Variants in CACNA1C observed in about 807,000 individuals in gnomAD.
CACNA1C encodes the protein calcium voltage-gated channel subunit alpha1 C.
Under a neutral mutation model 229.0 loss-of-function variants are expected in CACNA1C, and 30 were observed. That is an observed-to-expected ratio of 0.13 (90% confidence interval 0.10 to 0.18). The LOEUF (loss-of-function observed/expected upper bound fraction) is 0.18, where lower values mean the gene tolerates loss of function less well. CACNA1C is among the 10% of genes least tolerant of loss of function. The pLI is 1.00. For missense variants in CACNA1C, 1,658 were observed against 2,845.0 expected, an observed-to-expected ratio of 0.58 and a Z score of 9.49; for synonymous variants, 1,114 against 1,132.5, an observed-to-expected ratio of 0.98 and a Z score of 0.33.
chr12:2,654,205 C>T lies in CACNA1C; in HGVS notation c.4140+305C>T, dbSNP rs537549157. 3.3e-5 allele frequency among the ~76,000 whole-genome samples: 5 copies of T among 152,242 alleles called. No individual in the cohort carries two copies. Among genetic ancestry groups the T allele is most frequent in the East Asian group, 1.9e-4 (1 of 5,174 alleles). On this transcript the variant is annotated intron_variant, in intron 33 of 46. Transcript: ENST00000399655. The surrounding 1 kb of genome is among the most constrained non-coding windows in gnomAD (Gnocchi z 4.4). ...CACTCTCCAGTTATGCAAGGGGCCT[C>T]GGGACAGACACAGCCCCTTCTCAAG...
chr12:2,195,628 G>C (rs2097376065), intron 3 of CACNA1C, among the ~76,000 whole-genome samples: 2 of 152,224 alleles, frequency 1.3e-5, no homozygotes, highest in Admixed American at 6.5e-5. Context: ...AGCAGGGGTA[G>C]GGATGAAGGC....
Position 2,643,855 on chromosome 12 carries a change from C to T in CACNA1C, c.3913-4620C>T, listed in dbSNP as rs547871519. ...ACCTCCTCCCAACCTAGATCACCTC[C>T]GAGGTCTCTCCCTCAAAGCCCCACC... On this transcript the variant is annotated intron_variant, in intron 30 of 46. Transcript: ENST00000399655. Among the ~76,000 whole-genome samples, 224 of 152,298 alleles carry T rather than the reference C, an allele frequency of 1.5e-3. 1 individual carries two copies. Among genetic ancestry groups the T allele is most frequent in the African/African-American group, 5.0e-3 (209 of 41,552 alleles).
At position 2,633,796 on chromosome 12, in the gene CACNA1C, G is replaced by A. The variant is rs973428156; in HGVS notation, c.3829-501G>A. On this transcript the variant is annotated intron_variant, in intron 29 of 46. Coordinates refer to ENST00000399655, the MANE Select transcript of CACNA1C (RefSeq NM_000719.7). The surrounding 1 kb of genome is among the most constrained non-coding windows in gnomAD (Gnocchi z 5.8). The stretch of plus-strand genomic sequence containing the variant: ...TATTTCTCTCTCTCTCACTCTCTCT[G>A]TTTACCTTCTTTTATGTTTTTTTTA... 1.9e-4 allele frequency: 143 copies of A among 760,850 alleles called. 1 individual carries two copies. The Middle Eastern group carries it at 3.5e-3, about 19-fold the overall frequency. 47.1% of individuals were successfully genotyped at this position (760,850 alleles called of 1,614,324 possible).
At chr12:2,358,287 G>A (rs926385810) in intron 3 of CACNA1C, among the ~76,000 whole-genome samples, 2 of 126,240 alleles carry the variant, frequency 1.6e-5, no homozygotes, top group African/African-American at 7.7e-5. Context: ...GTGTGTGTGT[G>A]TGTGTGTGTG....
chr12:2,551,426 G>A (rs896974383), intron 10 of CACNA1C, among the ~76,000 whole-genome samples: 6 of 152,182 alleles, frequency 3.9e-5, no homozygotes, highest in African/African-American at 7.2e-5. Flanking sequence ...AATGGTCCCC[G>A]TTATCCCCAT....
At chr12:2,172,946 G>T (rs2096540158) in intron 3 of CACNA1C, among the ~76,000 whole-genome samples, 1 of 152,180 alleles carries the variant, frequency 6.6e-6, no homozygotes, top group African/African-American at 2.4e-5. Context: ...AGCTGGGAGG[G>T]GGATTCACCA....
chr12:2,509,463 A>G (rs982557903), intron 8 of CACNA1C, among the ~76,000 whole-genome samples: 2 of 152,190 alleles, frequency 1.3e-5, no homozygotes, highest in African/African-American at 4.8e-5. Context: ...CTCTGCCCAC[A>G]TTTTGTCAAC....
At chr12:2,586,029 A>G (rs559015658) in intron 18 of CACNA1C, 125 bp downstream of exon 18, 40 of 557,058 alleles carry the variant, frequency 7.2e-5, no homozygotes, top group African/African-American at 6.9e-4. Flanking sequence ...AGTACCTTCC[A>G]CTGCTGAGTG....
Position 2,363,251 on chromosome 12 carries a change from C to G in CACNA1C, c.478-85725C>G, listed in dbSNP as rs573386371. On this transcript the variant is annotated intron_variant, in intron 3 of 46. Transcript: ENST00000399655. ...AAGCTACCTTGGATGGCTTCCTGAT[C>G]AGGGGCCTGCTTCTCCCTGGAAACC... Among the ~76,000 whole-genome samples the G allele has an allele frequency of 3.2e-4, 49 of 152,348 alleles. 1 individual carries two copies. Among genetic ancestry groups the G allele is most frequent in the Admixed American group, 3.0e-3 (46 of 15,312 alleles).
At chr12:2,339,250 T>G (rs1170919980) in intron 3 of CACNA1C, among the ~76,000 whole-genome samples, 1 of 152,220 alleles carries the variant, frequency 6.6e-6, no homozygotes, top group Non-Finnish European at 1.5e-5. Flanking sequence ...TAAACATATC[T>G]AAACATAGAA....
intron 9 of CACNA1C, among the ~76,000 whole-genome samples, chr12:2,522,547 G>A (rs2099811955): frequency 6.6e-6 from 1 of 152,192 alleles, no homozygotes; most frequent in African/African-American, 2.4e-5. Flanking sequence ...TTTGGAAGGA[G>A]TTAGAATTAT....
At position 2,491,005 on chromosome 12, in the gene CACNA1C, G is replaced by A. The variant is rs146436991; in HGVS notation, c.917-2185G>A. 7.6e-3 allele frequency among the ~76,000 whole-genome samples: 1,161 copies of A among 152,324 alleles called. 11 individuals carry two copies. The highest frequency in any genetic ancestry group is 0.025 in the African/African-American group (1,044 of 41,578). On this transcript the variant is annotated intron_variant, in intron 6 of 46. Transcript: ENST00000399655. ...AAATAATCCAGACGTCCATCAGCTGGTGAATGGATAAACATACAATGAAAT... is the reference window on the plus strand; with the variant it reads ...AAATAATCCAGACGTCCATCAGCTGATGAATGGATAAACATACAATGAAAT...
chr12:2,104,583 C>T (rs140023519), intron 1 of CACNA1C, among the ~76,000 whole-genome samples: 3,488 of 152,100 alleles, frequency 0.023, 118 homozygotes, highest in African/African-American at 0.079. Flanking sequence ...GCCTGATTGC[C>T]CTGGCCAGAA....
At chr12:2,138,566 G>T (rs1484642702) in intron 3 of CACNA1C, among the ~76,000 whole-genome samples, 1 of 151,142 alleles carries the variant, frequency 6.6e-6, no homozygotes, top group Non-Finnish European at 1.5e-5. Context: ...GAGAGAGCAG[G>T]TAAGAGAGTG....
In CACNA1C at chr12:2,375,232, C is replaced by G. The variant is rs377314131; in HGVS notation, c.478-73744C>G. On this transcript the variant is annotated intron_variant, in intron 3 of 46. Transcript: ENST00000399655. ...CCAAGGAGACAGGATGGTTGAGACT[C>G]TGCAGAAGAAGGGCTGGCATCTTCC... 1.6e-3 allele frequency among the ~76,000 whole-genome samples: 248 copies of G among 152,324 alleles called. 1 individual carries two copies. The highest frequency in any genetic ancestry group is 5.7e-3 in the African/African-American group (236 of 41,562).
At chr12:2,556,804 C>A in intron 10 of CACNA1C, 147 bp from the exon 11 acceptor site, 1 of 724,530 alleles carries the variant, frequency 1.4e-6, no homozygotes, top group South Asian at 1.5e-5. Flanking sequence ...TTCTTTCTCT[C>A]CCAAGATGTT....
At chr12:2,487,069 T>C (rs1283111143) in intron 6 of CACNA1C, among the ~76,000 whole-genome samples, 1 of 152,220 alleles carries the variant, frequency 6.6e-6, no homozygotes, top group Admixed American at 6.5e-5. Context: ...CTTGGCCTTT[T>C]AAAGAAACAT....
chr12:2,220,699 T>G (rs1350093561), intron 3 of CACNA1C: 1 of 152,248 alleles, frequency 6.6e-6, no homozygotes, highest in Non-Finnish European at 1.5e-5. Context: ...AGTTTTAGCT[T>G]GAGTATTATG....
At chr12:2,276,545 G>A (rs968049141) in intron 3 of CACNA1C, among the ~76,000 whole-genome samples, 4 of 152,210 alleles carry the variant, frequency 2.6e-5, no homozygotes, top group African/African-American at 9.7e-5. Flanking sequence ...GGTCCCTTAT[G>A]CTTCTTGCTA....
Sources: gnomAD v4.1 joint callset for allele counts (sites outside exome capture counted in the v4.1 genomes callset) on GRCh38, gnomAD v4.1.1 for gene constraint, Gnocchi (gnomAD v3.1) non-coding constraint, MANE v1.5 for transcripts, NCBI Gene and HGNC (gene_info 2026-07-23, HGNC 2026-07-21) for gene names.